VRK1: variants seen among roughly 807,000 people sequenced by gnomAD.
VRK1 encodes the protein VRK serine/threonine kinase 1.
In VRK1, 33 loss-of-function variants were observed where a neutral mutation model predicts 57.1. The ratio of observed to expected loss-of-function variants is 0.58; its 90% CI spans 0.44 to 0.77. VRK1 has a LOEUF of 0.77. Among genes scored for constraint, VRK1 ranks in the 30% least tolerant of loss-of-function variants. The probability of loss-of-function intolerance (pLI) is 0.00; values close to 1 mark genes in which losing one functional copy is unlikely to be tolerated. For missense variants in VRK1, 413 were observed against 477.3 expected (o/e 0.87, Z 1.25); for synonymous variants, 137 against 147.8 (o/e 0.93, Z 0.53).
intron 12 of VRK1, among the ~76,000 whole-genome samples, chr14:96,878,936 C>T (rs1039761893): frequency 3.9e-5 from 6 of 152,044 alleles, no homozygotes; most frequent in Admixed American, 3.9e-4. Context: ...GTACTTTCCC[C>T]CCTCCTGTTC....
intron 1 of VRK1, among the ~76,000 whole-genome samples, chr14:96,805,641 T>C (rs1224986199): frequency 2.6e-5 from 4 of 152,206 alleles, no homozygotes; most frequent in Non-Finnish European, 4.4e-5. Context: ...AAATAGAACC[T>C]GTATAGTGTC....
chr14:96,818,822 T>C (rs1886488894), intron 1 of VRK1, among the ~76,000 whole-genome samples: 1 of 152,208 alleles, frequency 6.6e-6, no homozygotes, highest in Non-Finnish European at 1.5e-5. Context: ...CTAATGAATA[T>C]CCTTACAGTT....
At chr14:96,874,130 A>T (rs1888932693) in intron 11 of VRK1, among the ~76,000 whole-genome samples, 1 of 152,208 alleles carries the variant, frequency 6.6e-6, no homozygotes, top group Non-Finnish European at 1.5e-5. Flanking sequence ...TGCTCTCCAA[A>T]AACTGGGAAA....
chr14:96,800,012 C>T (rs138843670), intron 1 of VRK1, among the ~76,000 whole-genome samples: 32 of 148,518 alleles, frequency 2.2e-4, no homozygotes, highest in Admixed American at 6.0e-4. Context: ...ATGTGTAGGG[C>T]GCCTTTGAAA....
intron 12 of VRK1, among the ~76,000 whole-genome samples, 175 bp downstream of exon 12, chr14:96,876,295 C>T (rs760271891): frequency 6.6e-6 from 1 of 152,118 alleles, no homozygotes; most frequent in Non-Finnish European, 1.5e-5. Flanking sequence ...ATTATTTTCT[C>T]TCCACAATAA....
chr14:96,812,771 A>G (rs1195247298), intron 1 of VRK1, among the ~76,000 whole-genome samples: 1 of 152,212 alleles, frequency 6.6e-6, no homozygotes, highest in African/African-American at 2.4e-5. Context: ...TCCATTAGCA[A>G]CATACATACA....
intron 10 of VRK1, among the ~76,000 whole-genome samples, chr14:96,858,499 A>G (rs985857896): frequency 7.2e-5 from 11 of 152,172 alleles, no homozygotes; most frequent in African/African-American, 2.4e-4. Context: ...GTCGTCTCCA[A>G]TTTTTGGCAG....
At chr14:96,839,227 A>G (rs1844366196) in intron 3 of VRK1, among the ~76,000 whole-genome samples, 1 of 152,014 alleles carries the variant, frequency 6.6e-6, no homozygotes, top group Non-Finnish European at 1.5e-5. Flanking sequence ...TTGGTGTATC[A>G]ATCATTTGTT....
intron 1 of VRK1, among the ~76,000 whole-genome samples, chr14:96,832,267 C>G (rs1887037000): frequency 6.6e-6 from 1 of 152,062 alleles, no homozygotes. Context: ...GAGCTCAAAA[C>G]TGAGCTACAG....
chr14:96,802,609 T>C (rs574325411), intron 1 of VRK1, among the ~76,000 whole-genome samples: 9 of 152,336 alleles, frequency 5.9e-5, no homozygotes, highest in Non-Finnish European at 7.3e-5. Context: ...TTTGAGATGA[T>C]AGAACAGTTC....
At chr14:96,853,866 A>G (rs1401398419) in intron 7 of VRK1, among the ~76,000 whole-genome samples, 1 of 152,098 alleles carries the variant, frequency 6.6e-6, no homozygotes, top group Non-Finnish European at 1.5e-5. Flanking sequence ...ATCTTACATA[A>G]AAAGGAAGAT....
chr14:96,830,177 G>A (rs540121671), intron 1 of VRK1, among the ~76,000 whole-genome samples: 2 of 152,022 alleles, frequency 1.3e-5, no homozygotes, highest in African/African-American at 4.8e-5. Context: ...TTATATCTTG[G>A]TGATGGTCAT....
chr14:96,820,494 C>G (rs144166603), intron 1 of VRK1, among the ~76,000 whole-genome samples: 2 of 152,178 alleles, frequency 1.3e-5, no homozygotes, highest in African/African-American at 4.8e-5. Context: ...ACTGTATGTT[C>G]GTTAGCAGTT....
intron 1 of VRK1, among the ~76,000 whole-genome samples, chr14:96,816,583 C>G (rs1377463794): frequency 6.6e-6 from 1 of 152,164 alleles, no homozygotes; most frequent in Non-Finnish European, 1.5e-5. Context: ...TGTGTTCTCC[C>G]TCACTGCAAT....
chr14:96,822,327 G>A (rs1220113906), intron 1 of VRK1, among the ~76,000 whole-genome samples: 1 of 152,116 alleles, frequency 6.6e-6, no homozygotes, highest in African/African-American at 2.4e-5. Context: ...GAATTCCAAT[G>A]GGACTCAGTA....
chr14:96,881,280 GT>G lies in VRK1; in HGVS notation c.*76del. On this transcript the variant is annotated 3_prime_UTR_variant, in exon 13 of 13. Transcript: ENST00000216639. ...TTTTTTCTCCTTTTCTATTTGAACTGTTTTATTTTCCTGTGAGTCTTGCGAG... is the reference window on the plus strand; with the variant it reads ...TTTTTTCTCCTTTTCTATTTGAACTGTTTATTTTCCTGTGAGTCTTGCGAG... The G allele has an allele frequency of 7.1e-7, 1 of 1,404,448 alleles. No homozygotes were observed. The highest frequency in any genetic ancestry group is 2.4e-5 in the East Asian group (1 of 41,088). The allele number at this position is 1,404,448 out of a possible 1,614,324, so 87.0% of individuals were successfully genotyped here. A position where few individuals can be genotyped will look rare whatever the true frequency, so the allele number is the denominator to read the frequency against.
At chr14:96,855,154 T>C in intron 7 of VRK1, 70 bp from the exon 8 acceptor site, 1 of 1,611,592 alleles carries the variant, frequency 6.2e-7, no homozygotes, top group Non-Finnish European at 8.5e-7. Context: ...GTATTTTGTT[T>C]CTGTGCTTTA....
chr14:96,801,003 C>G (rs1885638720), intron 1 of VRK1, among the ~76,000 whole-genome samples: 1 of 152,118 alleles, frequency 6.6e-6, no homozygotes, highest in African/African-American at 2.4e-5. Context: ...CTGCAGGGGA[C>G]TAAACATGAG....
rs142084233 is a variant in VRK1 at position 96,867,718 on chromosome 14, C to T, written c.1068+6983C>T. Among the ~76,000 whole-genome samples, 961 of 152,280 alleles carry T rather than the reference C, an allele frequency of 6.3e-3. 6 individuals carry two copies. The highest frequency in any genetic ancestry group is 9.4e-3 in the Non-Finnish European group (640 of 68,020). On this transcript the variant is annotated intron_variant, in intron 11 of 12. Transcript: ENST00000216639. Reference sequence around the variant, plus strand: ...TTCTCCATGTCTCCTAACTCTTCGACCACATGTTCATTTCCTTAACGCTGT... The same window carrying T: ...TTCTCCATGTCTCCTAACTCTTCGATCACATGTTCATTTCCTTAACGCTGT...
Sources: allele counts gnomAD v4.1 joint callset (sites outside exome capture counted in the v4.1 genomes callset), GRCh38; gene constraint gnomAD v4.1.1; transcripts MANE v1.5; gene names NCBI Gene and HGNC (gene_info 2026-07-23, HGNC 2026-07-21).